The following ZSCAN5A variants were observed in gnomAD, a reference collection of about 807,000 sequenced individuals.
ZSCAN5A encodes zinc finger and SCAN domain containing 5A.
ZSCAN5A carries 12 observed loss-of-function variants against 23.7 expected under a neutral mutation model. That is an observed-to-expected ratio of 0.51 (90% CI 0.32 to 0.82). ZSCAN5A has a LOEUF of 0.82. Ranked by LOEUF, ZSCAN5A falls within the 40% of genes least tolerant of loss-of-function variation. The probability of loss-of-function intolerance (pLI) is 0.03; values close to 1 mark genes in which losing one functional copy is unlikely to be tolerated. For synonymous variants in ZSCAN5A, 257 were observed against 239.9 expected, an observed-to-expected ratio of 1.07 and a Z score of -0.66; for missense variants, 597 against 617.9, an observed-to-expected ratio of 0.97 and a Z score of 0.36.
At chr19:56,331,009 C>A (rs930699396) in intron 2 of ZSCAN5A, among the ~76,000 whole-genome samples, 2 of 152,182 alleles carry the variant, frequency 1.3e-5, no homozygotes, top group Non-Finnish European at 2.9e-5. Flanking sequence ...GGTCCAGTTG[C>A]ATTCTTCTGC....
At position 56,352,806 on chromosome 19, in the gene ZSCAN5A, T is replaced by G. The variant is rs187587515; in HGVS notation, c.-358+10429A>C. On this transcript the variant is annotated intron_variant, in intron 2 of 6. Transcript: ENST00000587340. This position sits in a 1 kb window ranked among gnomAD's most constrained non-coding sequence, Gnocchi z 4.2. ...TGTTGAAACTGGGTGCAACACAGTT[T>G]CAACACAGATGTCCAAAGTCCAGGC... Among the ~76,000 whole-genome samples, 768 of 152,278 alleles carry G rather than the reference T, an allele frequency of 5.0e-3. 3 individuals are homozygous for G. The highest frequency in any genetic ancestry group is 7.9e-3 in the Non-Finnish European group (534 of 68,016).
intron 2 of ZSCAN5A, chr19:56,296,108 T>C (rs2039854622): frequency 6.6e-6 from 1 of 152,294 alleles, no homozygotes; most frequent in Non-Finnish European, 1.5e-5. Context: ...CACAGTCTAG[T>C]GGAGGTGGGG....
At chr19:56,235,541 G>A (rs71352877) in intron 2 of ZSCAN5A, among the ~76,000 whole-genome samples, 4 of 67,162 alleles carry the variant, frequency 6.0e-5, no homozygotes, top group South Asian at 6.0e-4. Flanking sequence ...CTCCACTCCA[G>A]CCTCTGATTG....
At position 56,301,815 on chromosome 19, in the gene ZSCAN5A, T is replaced by G. The variant is rs949812707; in HGVS notation, c.-128+11468A>C. ...TGGTGGTAACCAAGAAGGGGGAAGC[T>G]GGCAGTGATGGTGGGTGTGGACCAA... On this transcript the variant is annotated intron_variant, in intron 2 of 5. Coordinates refer to ENST00000683990, the MANE Select transcript of ZSCAN5A (RefSeq NM_001322064.3). The G allele has an allele frequency of 1.2e-5, 9 of 781,102 alleles. No homozygotes were observed. The Admixed American group carries it at 3.5e-4, about 30-fold the overall frequency. The allele number at this position is 781,102 out of a possible 1,614,324, so 48.4% of individuals were successfully genotyped here. A position where few individuals can be genotyped will look rare whatever the true frequency, so the allele number is the denominator to read the frequency against.
intron 2 of ZSCAN5A, among the ~76,000 whole-genome samples, chr19:56,241,242 C>T (rs2035403425): frequency 6.6e-6 from 1 of 152,114 alleles, no homozygotes; most frequent in African/African-American, 2.4e-5. Context: ...AGTGAATACA[C>T]GGTGATTTCT....
intron 2 of ZSCAN5A, among the ~76,000 whole-genome samples, chr19:56,251,474 G>T (rs1005693375): frequency 1.3e-5 from 2 of 152,188 alleles, no homozygotes; most frequent in Admixed American, 6.5e-5. Flanking sequence ...AAAACCCACA[G>T]CAATTTGCAC....
At chr19:56,235,379 C>G (rs71352871) in intron 2 of ZSCAN5A, among the ~76,000 whole-genome samples, 3 of 10,696 alleles carry the variant, frequency 2.8e-4, no homozygotes, top group Non-Finnish European at 3.5e-4. Flanking sequence ...TCTGATGGAC[C>G]GTGGGCCAAG....
exon 2 of ZSCAN5A, chr19:56,363,382 T>C (rs1254438774): frequency 6.6e-6 from 1 of 152,240 alleles, no homozygotes; most frequent in Non-Finnish European, 1.5e-5. Flanking sequence ...CATGTTCTCA[T>C]GCTTGTGGTT....
chr19:56,366,687 A>C (rs560002710), intron 1 of ZSCAN5A, among the ~76,000 whole-genome samples: 29 of 152,298 alleles, frequency 1.9e-4, no homozygotes, highest in Non-Finnish European at 3.8e-4. Flanking sequence ...AGCCTGTAAA[A>C]GCCCTTCCCT....
At chr19:56,239,237 T>C (rs546220772) in intron 2 of ZSCAN5A, among the ~76,000 whole-genome samples, 2 of 152,338 alleles carry the variant, frequency 1.3e-5, no homozygotes, top group Admixed American at 1.3e-4. Context: ...TCAATGTATG[T>C]TAAGTGTTAG....
intron 2 of ZSCAN5A, among the ~76,000 whole-genome samples, chr19:56,262,139 T>A (rs1025291058): frequency 6.6e-6 from 1 of 151,862 alleles, no homozygotes; most frequent in Non-Finnish European, 1.5e-5. Flanking sequence ...TGACTCAGCG[T>A]CCTGAGTAGC....
chr19:56,330,831 A>AC (rs527291241), intron 2 of ZSCAN5A, among the ~76,000 whole-genome samples: 26 of 152,020 alleles, frequency 1.7e-4, no homozygotes, highest in African/African-American at 5.5e-4. Context: ...CCAATTTGTC[A>AC]TTTTTTTGTT....
rs1195301868 is a variant in ZSCAN5A, at chr19:56,352,404, A to C, written c.-358+10831T>G. Reference sequence around the variant, plus strand: ...CTAAGGCAGATTTAAGTGATCATGCAGGATGGTTAGAAGGGACTGATTATT... The same window carrying C: ...CTAAGGCAGATTTAAGTGATCATGCCGGATGGTTAGAAGGGACTGATTATT... On this transcript the variant is annotated intron_variant, in intron 2 of 6. Coordinates refer to the ZSCAN5A transcript ENST00000587340. This position sits in a 1 kb window ranked among gnomAD's most constrained non-coding sequence, Gnocchi z 4.2. Among the ~76,000 whole-genome samples the C allele has an allele frequency of 6.6e-6, 1 of 152,240 alleles. No individual in the cohort carries two copies. Among genetic ancestry groups the C allele is most frequent in the Non-Finnish European group, 1.5e-5 (1 of 68,042 alleles).
intron 1 of ZSCAN5A, chr19:56,365,024 T>C (rs926116975): frequency 1.3e-5 from 2 of 152,188 alleles, no homozygotes; most frequent in African/African-American, 4.8e-5. Flanking sequence ...ACATGATACT[T>C]CAATAAACCA....
intron 2 of ZSCAN5A, among the ~76,000 whole-genome samples, chr19:56,226,211 G>A (rs1162076561): frequency 2.6e-5 from 4 of 152,192 alleles, no homozygotes; most frequent in Non-Finnish European, 5.9e-5. Flanking sequence ...GAGGGCGAGT[G>A]CCCCACACTT....
At chr19:56,259,409 T>C (rs1288553948) in intron 2 of ZSCAN5A, among the ~76,000 whole-genome samples, 1 of 152,118 alleles carries the variant, frequency 6.6e-6, no homozygotes, top group African/African-American at 2.4e-5. Flanking sequence ...TGGACCCTCG[T>C]ACGATTTCCC....
intron 2 of ZSCAN5A, chr19:56,322,332 C>A: frequency 3.7e-6 from 3 of 818,290 alleles, no homozygotes; most frequent in South Asian, 2.7e-5. Context: ...GAGGACTTCT[C>A]ATTGTCTGCC....
intron 4 of ZSCAN5A, 43 bp from the exon 5 acceptor site, chr19:56,222,784 T>G: frequency 6.2e-7 from 1 of 1,613,620 alleles, no homozygotes; most frequent in South Asian, 1.1e-5. Context: ...GTGTCCAAAC[T>G]GGTGGAAGCA....
intron 2 of ZSCAN5A, among the ~76,000 whole-genome samples, chr19:56,328,394 C>G (rs2041456130): frequency 6.6e-6 from 1 of 151,758 alleles, no homozygotes; most frequent in African/African-American, 2.4e-5. Flanking sequence ...GCCTGTGATC[C>G]CAGCACTTTG....
Sources: allele counts gnomAD v4.1 joint callset (sites outside exome capture counted in the v4.1 genomes callset), GRCh38; gene constraint gnomAD v4.1.1; non-coding constraint Gnocchi (gnomAD v3.1); transcripts MANE v1.5; gene names NCBI Gene and HGNC (gene_info 2026-07-23, HGNC 2026-07-21).